LMX1A: variants seen among roughly 807,000 people sequenced by gnomAD.
LMX1A encodes LIM homeobox transcription factor 1-alpha.
LMX1A carries 15 observed loss-of-function variants against 49.1 expected under a neutral mutation model. The observed-to-expected ratio is 0.31, with a 90% CI of 0.20 to 0.47. The LOEUF (loss-of-function observed/expected upper bound fraction) is 0.47, where lower values mean the gene tolerates loss of function less well. Ranked by LOEUF, LMX1A falls within the 20% of genes least tolerant of loss-of-function variation. The pLI is 1.00. For missense variants in LMX1A, 372 were observed against 475.8 expected (o/e 0.78, Z 2.03); for synonymous variants, 167 against 185.7 (o/e 0.90, Z 0.82).
chr1:165,310,968 C>T (rs1455096197), intron 3 of LMX1A, among the ~76,000 whole-genome samples: 1 of 152,234 alleles, frequency 6.6e-6, no homozygotes, highest in African/African-American at 2.4e-5. Context: ...TGACAATATT[C>T]ACCATGATGT....
At chr1:165,242,862 G>A (rs1652704482) in intron 4 of LMX1A, among the ~76,000 whole-genome samples, 1 of 150,456 alleles carries the variant, frequency 6.6e-6, no homozygotes. Context: ...CCCGGCAGGT[G>A]GAGCTTGCAG....
chr1:165,347,222 C>CT (rs1656277368), intron 3 of LMX1A, among the ~76,000 whole-genome samples: 1 of 152,218 alleles, frequency 6.6e-6, no homozygotes, highest in Admixed American at 6.5e-5. Flanking sequence ...TCTCTCTCCT[C>CT]TCTGATATTT....
At chr1:165,256,202 T>C (rs879412052) in intron 3 of LMX1A, among the ~76,000 whole-genome samples, 3 of 152,148 alleles carry the variant, frequency 2.0e-5, no homozygotes, top group Non-Finnish European at 2.9e-5. Flanking sequence ...CAGTATTTCT[T>C]GTAACCAAAC....
Position 165,355,052 on chromosome 1 carries a change from G to A in LMX1A, c.76+432C>T, listed in dbSNP as rs2101777387. Among the ~76,000 whole-genome samples, 1 of 152,172 alleles carries A rather than the reference G, an allele frequency of 6.6e-6. No individual in the cohort carries two copies. The highest frequency in any genetic ancestry group is 2.0e-4 in the East Asian group (1 of 5,126). Reference sequence around the variant, plus strand: ...TCGGCCTTGCCCATGGCTGAAATTGGGGCTGGAGTTGGTGGGGGAGAGAAG... The same window carrying A: ...TCGGCCTTGCCCATGGCTGAAATTGAGGCTGGAGTTGGTGGGGGAGAGAAG... On this transcript the variant is annotated intron_variant, in intron 2 of 8. Transcript: ENST00000342310. The surrounding 1 kb of genome is among the most constrained non-coding windows in gnomAD (Gnocchi z 4.7).
intron 3 of LMX1A, among the ~76,000 whole-genome samples, chr1:165,264,190 C>G (rs1653543270): frequency 1.3e-5 from 2 of 151,914 alleles, no homozygotes; most frequent in South Asian, 4.2e-4. Context: ...ACACAGCCCC[C>G]ACCAGCACCC....
At position 165,355,653 on chromosome 1, in the gene LMX1A, C is replaced by T; in HGVS notation, c.-22-72G>A. On this transcript the variant is annotated intron_variant, in intron 1 of 8. Coordinates refer to ENST00000342310, the MANE Select transcript of LMX1A (RefSeq NM_177398.4). This position sits in a 1 kb window ranked among gnomAD's most constrained non-coding sequence, Gnocchi z 4.7. Reference sequence around the variant, plus strand: ...ACTCGGCGCCAGCAGCCACCGCACTCCTGGGAAAGAACTGAGGGAGTGTCC... The same window carrying T: ...ACTCGGCGCCAGCAGCCACCGCACTTCTGGGAAAGAACTGAGGGAGTGTCC... The T allele has an allele frequency of 8.5e-7, 1 of 1,179,914 alleles. No individual in the cohort carries two copies. Among genetic ancestry groups the T allele is most frequent in the South Asian group, 1.3e-5 (1 of 75,298 alleles). The allele number at this position is 1,179,914 out of a possible 1,614,324, so 73.1% of individuals were successfully genotyped here.
intron 4 of LMX1A, among the ~76,000 whole-genome samples, chr1:165,230,138 C>G (rs1652188260): frequency 1.3e-5 from 2 of 152,186 alleles, no homozygotes; most frequent in Non-Finnish European, 2.9e-5. Context: ...CAGAACCCAG[C>G]AGTGTTTGGA....
intron 3 of LMX1A, among the ~76,000 whole-genome samples, chr1:165,257,275 C>G (rs1397043320): frequency 6.6e-6 from 1 of 151,998 alleles, no homozygotes; most frequent in Non-Finnish European, 1.5e-5. Context: ...TTGTATTTCT[C>G]TCTCACATGC....
intron 4 of LMX1A, chr1:165,218,760 T>C (rs185093847): frequency 6.6e-6 from 1 of 152,228 alleles, no homozygotes; most frequent in East Asian, 1.9e-4. Flanking sequence ...AGAAAAACCT[T>C]TAAACAGCAG....
At chr1:165,298,817 G>A (rs1017384964) in intron 3 of LMX1A, among the ~76,000 whole-genome samples, 5 of 152,230 alleles carry the variant, frequency 3.3e-5, no homozygotes, top group Admixed American at 6.5e-5. Context: ...AATAGTGAGT[G>A]AAAGACTGCA....
intron 4 of LMX1A, among the ~76,000 whole-genome samples, chr1:165,237,459 C>G (rs1480521913): frequency 1.3e-5 from 2 of 152,088 alleles, no homozygotes; most frequent in Admixed American, 1.3e-4. Context: ...TCTCGTGATC[C>G]GCCCGCCTCG....
intron 4 of LMX1A, among the ~76,000 whole-genome samples, chr1:165,248,068 C>A (rs1215910305): frequency 6.6e-6 from 1 of 152,130 alleles, no homozygotes; most frequent in Non-Finnish European, 1.5e-5. Flanking sequence ...GAATAAGAAA[C>A]AATCAAACAT....
intron 6 of LMX1A, 67 bp downstream of exon 6, chr1:165,210,632 A>G: frequency 8.4e-7 from 1 of 1,190,962 alleles, no homozygotes; most frequent in South Asian, 1.3e-5. Flanking sequence ...AGCAAGTACA[A>G]TGTCCTACTG....
At chr1:165,230,240 C>G (rs1175119894) in intron 4 of LMX1A, among the ~76,000 whole-genome samples, 1 of 152,096 alleles carries the variant, frequency 6.6e-6, no homozygotes, top group Non-Finnish European at 1.5e-5. Flanking sequence ...GTTATTGCAG[C>G]CTGAGCAGAC....
chr1:165,225,032 G>A (rs1490395613), intron 4 of LMX1A, among the ~76,000 whole-genome samples: 1 of 152,160 alleles, frequency 6.6e-6, no homozygotes, highest in Admixed American at 6.5e-5. Context: ...AGAGAAGGAG[G>A]GCGACTGAAG....
In LMX1A at chr1:165,216,966, C is replaced by A. The variant is rs78412897; in HGVS notation, c.497-3153G>T. Among the ~76,000 whole-genome samples the A allele has an allele frequency of 6.4e-3, 967 of 152,128 alleles. 37 individuals carry two copies. In the East Asian group the frequency reaches 0.1, roughly 16 times the overall value. ...ATGATATATGTAAAGGGTTTAGCAC[C>A]ACCCAGAAATAATTGGTATTTAATA... is the stretch of plus-strand genomic sequence containing the variant. On this transcript the variant is annotated intron_variant, in intron 4 of 8. Transcript: ENST00000342310.
intron 4 of LMX1A, among the ~76,000 whole-genome samples, chr1:165,237,469 G>A (rs1351760038): frequency 5.3e-5 from 8 of 151,906 alleles, no homozygotes; most frequent in African/African-American, 7.3e-5. Flanking sequence ...CGCCCGCCTC[G>A]GCCTCCCAAG....
chr1:165,242,929 C>CAAAAAAAAAAAAAA (rs35937155), intron 4 of LMX1A, among the ~76,000 whole-genome samples: 50 of 115,158 alleles, frequency 4.3e-4, no homozygotes, highest in Non-Finnish European at 5.5e-4. Flanking sequence ...AACTCCACCT[C>CAAAAAAAAAAAAAA]AAAAAAAAAA....
At chr1:165,287,828 C>A (rs1310461662) in intron 3 of LMX1A, among the ~76,000 whole-genome samples, 2 of 152,170 alleles carry the variant, frequency 1.3e-5, no homozygotes, top group Admixed American at 6.5e-5. Context: ...CCTTATATTT[C>A]TCTAAAGGCT....
Sources: gnomAD v4.1 joint callset for allele counts (sites outside exome capture counted in the v4.1 genomes callset) on GRCh38, gnomAD v4.1.1 for gene constraint, Gnocchi (gnomAD v3.1) non-coding constraint, MANE v1.5 for transcripts, NCBI Gene and HGNC (gene_info 2026-07-23, HGNC 2026-07-21) for gene names.